The following SYNJ2 variants were observed in gnomAD, a reference collection of about 807,000 sequenced individuals.
The protein encoded by SYNJ2 is polyphosphatidylinositol phosphatase SYNJ2.
Under a neutral mutation model 141.3 loss-of-function variants are expected in SYNJ2, and 116 were observed. That is an observed-to-expected ratio of 0.82 (90% CI 0.71 to 0.96). The LOEUF (loss-of-function observed/expected upper bound fraction) is 0.96. SYNJ2 is among the 40% of genes least tolerant of loss of function. SYNJ2 has a pLI of 0.00. For missense variants in SYNJ2, 1,873 were observed against 1,934.8 expected (o/e 0.97, Z 0.60); for synonymous variants, 745 against 777.7 (o/e 0.96, Z 0.70).
chr6:158,059,556 CTT>C (rs71805887), intron 7 of SYNJ2: 3,369 of 1,160,154 alleles, frequency 2.9e-3, no homozygotes, highest in South Asian at 9.2e-3. Context: ...AATTTCTTTT[CTT>C]TTTTTTTTTT....
intron 6 of SYNJ2, among the ~76,000 whole-genome samples, chr6:158,056,803 A>G (rs1056890398): frequency 1.3e-5 from 2 of 152,164 alleles, no homozygotes; most frequent in African/African-American, 4.8e-5. Flanking sequence ...CTTCACACAG[A>G]TAGTTTTTCT....
intron 16 of SYNJ2, among the ~76,000 whole-genome samples, chr6:158,075,433 G>T (rs1377813953): frequency 6.6e-6 from 1 of 151,482 alleles, no homozygotes; most frequent in Admixed American, 6.6e-5. Flanking sequence ...CTGAGGTCAG[G>T]AGTTCAAGAC....
intron 4 of SYNJ2, among the ~76,000 whole-genome samples, chr6:158,034,678 A>T (rs566189244): frequency 6.6e-6 from 1 of 152,338 alleles, no homozygotes; most frequent in African/African-American, 2.4e-5. Flanking sequence ...TGCACTGTGG[A>T]TATCAACGAG....
At chr6:158,007,953 T>C (rs965605283) in intron 1 of SYNJ2, among the ~76,000 whole-genome samples, 1 of 152,110 alleles carries the variant, frequency 6.6e-6, no homozygotes, top group Admixed American at 6.5e-5. Context: ...CACGCCTGGC[T>C]AATTTCTTTA....
intron 2 of SYNJ2, among the ~76,000 whole-genome samples, chr6:158,020,225 TCTGA>T (rs537267414): frequency 5.3e-4 from 76 of 144,318 alleles, no homozygotes; most frequent in Admixed American, 1.4e-3. Flanking sequence ...CCTGCGTGAC[TCTGA>T]CTGTGTGACC....
chr6:158,028,593 C>A (rs1236314309), intron 2 of SYNJ2, 163 bp from the exon 3 acceptor site: 2 of 875,244 alleles, frequency 2.3e-6, no homozygotes, highest in East Asian at 5.0e-5. Context: ...CAGGACAGGG[C>A]AGGTTCTTGA....
chr6:158,070,693 C>T lies in SYNJ2; in HGVS notation c.1941-909C>T, dbSNP rs1357763423. The stretch of plus-strand genomic sequence containing the variant: ...CCCCCCAACCTTGTCTGCCAGCGAG[C>T]AGATGCACCAGCAGGCCTCAGTCTG... On this transcript the variant is annotated intron_variant, in intron 14 of 26. Coordinates refer to ENST00000355585, the MANE Select transcript of SYNJ2 (RefSeq NM_003898.4). The surrounding 1 kb of genome is among the most constrained non-coding windows in gnomAD (Gnocchi z 4.0). 6.6e-6 allele frequency among the ~76,000 whole-genome samples: 1 copy of T among 152,128 alleles called. No homozygotes were observed. The highest frequency in any genetic ancestry group is 2.4e-5 in the African/African-American group (1 of 41,422).
At chr6:158,034,475 C>T (rs1458003034) in intron 4 of SYNJ2, among the ~76,000 whole-genome samples, 1 of 152,178 alleles carries the variant, frequency 6.6e-6, no homozygotes, top group Non-Finnish European at 1.5e-5. Context: ...CGGACTTTGG[C>T]CACTTTAATC....
intron 1 of SYNJ2, chr6:158,002,391 T>A (rs1003402209): frequency 6.6e-6 from 1 of 152,084 alleles, no homozygotes; most frequent in Non-Finnish European, 1.5e-5. Flanking sequence ...CATGTGGAAA[T>A]AGGGAGGCGG....
At chr6:158,090,550 T>TTG (rs1783376348) in intron 25 of SYNJ2, among the ~76,000 whole-genome samples, 1 of 147,058 alleles carries the variant, frequency 6.8e-6, no homozygotes. Flanking sequence ...TTGTTTTTTT[T>TTG]TTTTTTTTTT....
At chr6:158,057,912 G>A (rs2128358869) in intron 6 of SYNJ2, among the ~76,000 whole-genome samples, 1 of 152,372 alleles carries the variant, frequency 6.6e-6, no homozygotes, top group African/African-American at 2.4e-5. Context: ...GCTGCACGTG[G>A]AGACGGGAGC....
chr6:158,080,226 G>C (rs1439303398), intron 18 of SYNJ2, among the ~76,000 whole-genome samples: 1 of 152,132 alleles, frequency 6.6e-6, no homozygotes, highest in Non-Finnish European at 1.5e-5. Flanking sequence ...CTTTATCCCA[G>C]CACTTTGGGA....
rs368525066 is a variant in SYNJ2, at chr6:158,071,801, G to A, written c.2133+7G>A. On this transcript the variant is annotated splice_region_variant and intron_variant, in intron 15 of 26. Coordinates refer to ENST00000355585, the MANE Select transcript of SYNJ2 (RefSeq NM_003898.4). This position sits in a 1 kb window ranked among gnomAD's most constrained non-coding sequence, Gnocchi z 4.3. ...GAAACTCTGCTTCCCAATGGTGAGC[G>A]GCGCCGTGGGGACAGCCAGCACCTC... 5.4e-5 allele frequency: 87 copies of A among 1,611,572 alleles called. 1 individual carries two copies. The African/African-American group carries it at 8.5e-4, about 16-fold the overall frequency.
chr6:157,985,898 G>A (rs972700241), intron 1 of SYNJ2, among the ~76,000 whole-genome samples: 1 of 152,128 alleles, frequency 6.6e-6, no homozygotes, highest in Non-Finnish European at 1.5e-5. Context: ...TGAGCTTCTG[G>A]GGGGAAAGGT....
chr6:158,061,028 G>C (rs1172507949), intron 7 of SYNJ2, among the ~76,000 whole-genome samples: 1 of 152,264 alleles, frequency 6.6e-6, no homozygotes, highest in South Asian at 2.1e-4. Context: ...GGAATGCATG[G>C]CACTGAGCCA....
chr6:158,065,475 G>A (rs1194442206), intron 11 of SYNJ2, among the ~76,000 whole-genome samples: 4 of 152,132 alleles, frequency 2.6e-5, no homozygotes, highest in Admixed American at 1.3e-4. Context: ...TGGTCTCAGC[G>A]GCAAGACATC....
intron 1 of SYNJ2, among the ~76,000 whole-genome samples, chr6:157,985,277 G>T (rs1415599281): frequency 2.6e-5 from 4 of 152,192 alleles, no homozygotes; most frequent in Non-Finnish European, 4.4e-5. Flanking sequence ...GCTCTAAAGT[G>T]AACTCTTCAC....
chr6:158,092,853 ACTGT>A (rs1421556357), intron 25 of SYNJ2, 69 bp from the exon 26 acceptor site: 3 of 1,370,492 alleles, frequency 2.2e-6, no homozygotes, highest in Non-Finnish European at 3.0e-6. Context: ...TAGGATGTAG[ACTGT>A]CTAAGGACGA....
chr6:158,086,221 C>A (rs963800977), intron 22 of SYNJ2, among the ~76,000 whole-genome samples: 2 of 152,072 alleles, frequency 1.3e-5, no homozygotes, highest in African/African-American at 2.4e-5. Flanking sequence ...TGGAGAGGCC[C>A]ATGCTTTGGG....
Sources: allele counts gnomAD v4.1 joint callset (sites outside exome capture counted in the v4.1 genomes callset), GRCh38; gene constraint gnomAD v4.1.1; non-coding constraint Gnocchi (gnomAD v3.1); transcripts MANE v1.5; gene names NCBI Gene and HGNC (gene_info 2026-07-23, HGNC 2026-07-21).